Variants in DEPDC1B observed in about 807,000 individuals in gnomAD.
The protein encoded by DEPDC1B is DEP domain-containing protein 1B.
In DEPDC1B, 51 loss-of-function variants were observed where a neutral mutation model predicts 66.5. That is an observed-to-expected ratio of 0.77 (90% CI 0.61 to 0.97). DEPDC1B has a LOEUF of 0.97. DEPDC1B is among the 50% of genes least tolerant of loss of function. DEPDC1B has a pLI of 0.00. For missense variants in DEPDC1B, 552 were observed against 637.1 expected (o/e 0.87, Z 1.44); for synonymous variants, 226 against 223.6 (o/e 1.01, Z -0.10).
At chr5:60,667,832 T>TATAAAAAAA (rs1372038482) in intron 2 of DEPDC1B, among the ~76,000 whole-genome samples, 2 of 120,450 alleles carry the variant, frequency 1.7e-5, no homozygotes, top group East Asian at 4.9e-4. Context: ...ATTTTACATA[T>TATAAAAAAA]ATGTAAAAAA....
At chr5:60,667,638 TGAAA>T (rs1483828530) in intron 2 of DEPDC1B, among the ~76,000 whole-genome samples, 2 of 131,432 alleles carry the variant, frequency 1.5e-5, no homozygotes, top group East Asian at 2.4e-4. Context: ...TTTACATATA[TGAAA>T]AATGGATATT....
chr5:60,623,471 T>C (rs547677640), intron 7 of DEPDC1B, among the ~76,000 whole-genome samples: 1 of 152,258 alleles, frequency 6.6e-6, no homozygotes, highest in Non-Finnish European at 1.5e-5. Context: ...TCTAATTTTT[T>C]CTCCTTTTCT....
intron 9 of DEPDC1B, among the ~76,000 whole-genome samples, chr5:60,600,749 G>A (rs1397317835): frequency 7.9e-5 from 12 of 152,210 alleles, no homozygotes; most frequent in Admixed American, 3.9e-4. Context: ...TGAACTTCAA[G>A]TAATAGCAAA....
chr5:60,660,064 C>T (rs367728545), intron 2 of DEPDC1B, among the ~76,000 whole-genome samples: 17 of 152,118 alleles, frequency 1.1e-4, no homozygotes, highest in South Asian at 4.2e-4. Context: ...TACAGGGAGG[C>T]GCGTATTCCT....
chr5:60,620,173 A>C (rs1752668892), intron 7 of DEPDC1B, among the ~76,000 whole-genome samples: 1 of 152,210 alleles, frequency 6.6e-6, no homozygotes, highest in South Asian at 2.1e-4. Flanking sequence ...GCTAGACCTA[A>C]AACCATAAAA....
intron 2 of DEPDC1B, among the ~76,000 whole-genome samples, chr5:60,678,575 A>G (rs1022659459): frequency 2.0e-5 from 3 of 152,190 alleles, no homozygotes; most frequent in Admixed American, 1.3e-4. Context: ...TATCATTAGT[A>G]TTTTTATTTT....
intron 1 of DEPDC1B, chr5:60,687,913 T>C (rs1285891465): frequency 1.9e-5 from 3 of 160,662 alleles, no homozygotes; most frequent in Middle Eastern, 7.1e-4. Flanking sequence ...ATTCAAGAAA[T>C]ATTATTTATT....
intron 2 of DEPDC1B, among the ~76,000 whole-genome samples, chr5:60,664,841 C>T (rs1753801998): frequency 6.6e-6 from 1 of 152,110 alleles, no homozygotes; most frequent in African/African-American, 2.4e-5. Flanking sequence ...TTACCTAGTC[C>T]TCCATGCCCG....
chr5:60,687,153 C>T lies in DEPDC1B; in HGVS notation c.123G>A (p.Glu41=), dbSNP rs1754435817. The T allele has an allele frequency of 6.2e-7, 1 of 1,614,180 alleles. No individual in the cohort carries two copies. The highest frequency in any genetic ancestry group is 8.5e-7 in the Non-Finnish European group (1 of 1,180,008). Residue 41 remains glutamate (E), a synonymous_variant, in exon 2 of 11, where the codon GAG becomes GAA. Transcript: ENST00000265036. ...RKHRCRFKSY[E]HCFTAAEAVD... ...CAGCTTCGGCCGCTGTGAAACAATG[C>T]TCATAGCTCTTGAAACGACAGCGAT...
At chr5:60,660,167 AAG>A (rs1264693209) in intron 2 of DEPDC1B, among the ~76,000 whole-genome samples, 1 of 151,128 alleles carries the variant, frequency 6.6e-6, no homozygotes, top group South Asian at 2.1e-4. Flanking sequence ...GAGAGAGAGA[AAG>A]AGAGAGAGAC....
intron 2 of DEPDC1B, among the ~76,000 whole-genome samples, chr5:60,671,532 T>TCAGCCCGGGGAA (rs1262815528): frequency 6.6e-6 from 1 of 152,206 alleles, no homozygotes; most frequent in Non-Finnish European, 1.5e-5. Flanking sequence ...GAACTCCCCA[T>TCAGCCCGGGGAA]CAGCCCGGGG....
At chr5:60,630,571 CAAA>C in intron 7 of DEPDC1B, 1 of 152,372 alleles carries the variant, frequency 6.6e-6, no homozygotes, top group East Asian at 1.9e-4. Context: ...CAAAACAAAA[CAAA>C]GAAGCAGAAA....
chr5:60,695,172 T>C (rs1433334701), intron 1 of DEPDC1B, among the ~76,000 whole-genome samples: 2 of 152,200 alleles, frequency 1.3e-5, no homozygotes, highest in East Asian at 3.8e-4. Flanking sequence ...TAGTCCATTC[T>C]TGCGTTGCTG....
At chr5:60,667,461 AC>A (rs1266898775) in intron 2 of DEPDC1B, among the ~76,000 whole-genome samples, 2 of 146,284 alleles carry the variant, frequency 1.4e-5, no homozygotes, top group Non-Finnish European at 1.5e-5. Context: ...TTACATATAT[AC>A]AAAAAATGGA....
Position 60,668,204 on chromosome 5 carries a change from ATT to A in DEPDC1B, c.314+18756_314+18757del, listed in dbSNP as rs1329846821. 1.0e-4 allele frequency among the ~76,000 whole-genome samples: 6 copies of A among 58,806 alleles called. 1 individual carries two copies. Among genetic ancestry groups the A allele is most frequent in the African/African-American group, 3.1e-4 (5 of 16,346 alleles). 38.6% of individuals were successfully genotyped at this position (58,806 alleles called of 152,430 possible). A position where few individuals can be genotyped will look rare whatever the true frequency, so the allele number is the denominator to read the frequency against. On this transcript the variant is annotated intron_variant, in intron 2 of 10. Transcript: ENST00000265036. The stretch of plus-strand genomic sequence containing the variant: ...TATTTTATATATATATAAAATGGAT[ATT>A]TTATATATATATATAAAATGGATAT...
chr5:60,639,537 A>C (rs1753139790), intron 6 of DEPDC1B, among the ~76,000 whole-genome samples: 1 of 152,224 alleles, frequency 6.6e-6, no homozygotes, highest in Admixed American at 6.5e-5. Context: ...TTATCAAGCA[A>C]AGTCATACTG....
At chr5:60,659,657 G>A (rs562173554) in intron 2 of DEPDC1B, among the ~76,000 whole-genome samples, 6 of 152,248 alleles carry the variant, frequency 3.9e-5, no homozygotes, top group South Asian at 2.1e-4. Context: ...CCATGTATGC[G>A]CCCCACCTTT....
chr5:60,655,192 G>A (rs1186261976), intron 2 of DEPDC1B, among the ~76,000 whole-genome samples: 1 of 149,054 alleles, frequency 6.7e-6, no homozygotes, highest in East Asian at 2.0e-4. Context: ...AGTGTCAATA[G>A]GATTGGTACC....
At chr5:60,624,726 T>TTTA (rs1473070448) in intron 7 of DEPDC1B, among the ~76,000 whole-genome samples, 2 of 152,110 alleles carry the variant, frequency 1.3e-5, no homozygotes, top group South Asian at 4.1e-4. Context: ...TACATGTTAT[T>TTTA]TTATTATTAT....
Sources: gnomAD v4.1 joint callset for allele counts (sites outside exome capture counted in the v4.1 genomes callset) on GRCh38, gnomAD v4.1.1 for gene constraint, MANE v1.5 for transcripts, NCBI Gene and HGNC (gene_info 2026-07-23, HGNC 2026-07-21) for gene names.